Variants in PCDH15 observed in about 807,000 individuals in gnomAD.
PCDH15 encodes protocadherin related 15.
Under a neutral mutation model 178.5 loss-of-function variants are expected in PCDH15, and 129 were observed. The ratio of observed to expected loss-of-function variants is 0.72; its 90% CI spans 0.63 to 0.84. The LOEUF (loss-of-function observed/expected upper bound fraction) is 0.84, where lower values mean the gene tolerates loss of function less well. Ranked by LOEUF, PCDH15 falls within the 40% of genes least tolerant of loss-of-function variation. The pLI, the probability that PCDH15 is intolerant of heterozygous loss-of-function variation, is 0.00. For synonymous variants in PCDH15, 800 were observed against 732.0 expected (o/e 1.09, Z -1.50); for missense variants, 2,230 against 2,099.9 (o/e 1.06, Z -1.21).
chr10:55,336,492 G>C (rs1224367750), intron 2 of PCDH15, among the ~76,000 whole-genome samples: 1 of 152,090 alleles, frequency 6.6e-6, no homozygotes, highest in Non-Finnish European at 1.5e-5. Context: ...GCTAGACTCT[G>C]TGTCAAAATA....
chr10:54,334,626 T>G (rs1188036132), intron 6 of PCDH15, among the ~76,000 whole-genome samples: 1 of 151,968 alleles, frequency 6.6e-6, no homozygotes, highest in Non-Finnish European at 1.5e-5. Context: ...TTTGTAATAT[T>G]CTCTTTTCAG....
At chr10:55,125,316 C>T (rs2132070823) in intron 2 of PCDH15, among the ~76,000 whole-genome samples, 1 of 152,040 alleles carries the variant, frequency 6.6e-6, no homozygotes, top group African/African-American at 2.4e-5. Flanking sequence ...AATCACAAAA[C>T]AGATAGGAAT....
chr10:54,657,122 C>T (rs2094420004), intron 2 of PCDH15, among the ~76,000 whole-genome samples: 1 of 152,200 alleles, frequency 6.6e-6, no homozygotes, highest in Non-Finnish European at 1.5e-5. Context: ...TTGCCCTGAG[C>T]CCATTTTGTT....
chr10:54,342,915 C>A (rs577646945), intron 6 of PCDH15, among the ~76,000 whole-genome samples: 72 of 152,152 alleles, frequency 4.7e-4, no homozygotes, highest in Admixed American at 1.1e-3. Context: ...GCCAATTTCT[C>A]ACATACAGAA....
chr10:55,456,219 G>C (rs1839548870), intron 2 of PCDH15, among the ~76,000 whole-genome samples: 1 of 151,974 alleles, frequency 6.6e-6, no homozygotes, highest in African/African-American at 2.4e-5. Context: ...CATGACGTGT[G>C]TGCTTATAAG....
chr10:54,395,401 A>G (rs1022710573), intron 3 of PCDH15, among the ~76,000 whole-genome samples: 2 of 148,504 alleles, frequency 1.3e-5, no homozygotes, highest in Non-Finnish European at 3.0e-5. Flanking sequence ...AGTGACTATT[A>G]TTCCTGTCTA....
intron 3 of PCDH15, among the ~76,000 whole-genome samples, chr10:54,473,814 T>A (rs1422544232): frequency 6.6e-6 from 1 of 151,840 alleles, no homozygotes; most frequent in Non-Finnish European, 1.5e-5. Flanking sequence ...TAAAGAAAAT[T>A]TATAAACATA....
At position 54,089,971 on chromosome 10, in the gene PCDH15, A is replaced by C. The variant is rs1565229628; in HGVS notation, c.1997+13T>G. 1 of 1,592,698 alleles carries C rather than the reference A, an allele frequency of 6.3e-7. No homozygotes were observed. Among genetic ancestry groups the C allele is most frequent in the African/African-American group, 1.3e-5 (1 of 74,426 alleles). On this transcript the variant is annotated intron_variant, in intron 16 of 37. Coordinates refer to ENST00000644397, the MANE Select transcript of PCDH15 (RefSeq NM_001384140.1). ...GTACATTTTTTTAAAGTAGGAAATC[A>C]TTTTTAACTTACGTTTCTGAAAGAT...
chr10:55,267,270 T>C (rs1301927825), intron 1 of PCDH15, among the ~76,000 whole-genome samples: 2 of 152,236 alleles, frequency 1.3e-5, no homozygotes, highest in Non-Finnish European at 2.9e-5. Context: ...ATTATCTATC[T>C]ATCCATATAT....
rs940822759 is a variant in PCDH15 at position 53,806,159 on chromosome 10, A to C, written c.*420T>G. 1 of 171,268 alleles carries C rather than the reference A, an allele frequency of 5.8e-6. No individual in the cohort carries two copies. The highest frequency in any genetic ancestry group is 2.4e-5 in the African/African-American group (1 of 41,534). 10.6% of individuals were successfully genotyped at this position (171,268 alleles called of 1,614,324 possible). A position where few individuals can be genotyped will look rare whatever the true frequency, so the allele number is the denominator to read the frequency against. ...CTGTATAAACTCATTGCCTGTAAATATCCTCTTACTTCTTTTTTGCCCTTT... is the reference window on the plus strand; with the variant it reads ...CTGTATAAACTCATTGCCTGTAAATCTCCTCTTACTTCTTTTTTGCCCTTT... On this transcript the variant is annotated 3_prime_UTR_variant, in exon 38 of 38. Transcript: ENST00000644397.
chr10:54,174,051 C>A (rs1393866880), intron 13 of PCDH15, among the ~76,000 whole-genome samples: 1 of 152,050 alleles, frequency 6.6e-6, no homozygotes, highest in African/African-American at 2.4e-5. Flanking sequence ...TACAGGATAT[C>A]GATTATGGGC....
At chr10:53,883,352 G>A (rs1042656673) in intron 26 of PCDH15, among the ~76,000 whole-genome samples, 2 of 152,114 alleles carry the variant, frequency 1.3e-5, no homozygotes, top group Non-Finnish European at 2.9e-5. Context: ...AACAGAAAGA[G>A]TAGGATAAAA....
intron 2 of PCDH15, among the ~76,000 whole-genome samples, chr10:54,993,101 A>G (rs1192354092): frequency 1.3e-5 from 2 of 152,148 alleles, no homozygotes; most frequent in Non-Finnish European, 2.9e-5. Context: ...GACACTGAAT[A>G]TAAAGAAAAC....
At chr10:54,928,825 G>A (rs574110048) in intron 2 of PCDH15, among the ~76,000 whole-genome samples, 3 of 152,068 alleles carry the variant, frequency 2.0e-5, no homozygotes, top group African/African-American at 4.8e-5. Flanking sequence ...GTCAGCACCT[G>A]TATCATTGTA....
chr10:54,087,636 A>C (rs1426183371), intron 16 of PCDH15, among the ~76,000 whole-genome samples: 1 of 152,162 alleles, frequency 6.6e-6, no homozygotes, highest in African/African-American at 2.4e-5. Flanking sequence ...TATTATGTAG[A>C]TGCACGTCTT....
Position 55,114,452 on chromosome 10 carries a change from C to A in PCDH15, c.-80+52124G>T, listed in dbSNP as rs548576562. Among the ~76,000 whole-genome samples, 18 of 152,328 alleles carry A rather than the reference C, an allele frequency of 1.2e-4. No individual in the cohort carries two copies. The South Asian group carries it at 3.7e-3, about 32-fold the overall frequency. The stretch of plus-strand genomic sequence containing the variant: ...TAATATGGTAAAAGCCACTAGCTTT[C>A]TTTCACTTGCCATCTCTCCTTCCAT... On this transcript the variant is annotated intron_variant, in intron 2 of 5. Transcript: ENST00000458638.
intron 2 of PCDH15, among the ~76,000 whole-genome samples, chr10:54,919,455 T>G (rs1012335949): frequency 3.3e-5 from 5 of 152,178 alleles, no homozygotes; most frequent in African/African-American, 1.2e-4. Context: ...AGGAACAATT[T>G]CAAGCCATAG....
intron 1 of PCDH15, among the ~76,000 whole-genome samples, chr10:54,694,016 A>G (rs542341928): frequency 2.6e-5 from 4 of 152,054 alleles, no homozygotes; most frequent in Admixed American, 6.6e-5. Flanking sequence ...ATTAACTTAA[A>G]CTCTCTTGTT....
intron 26 of PCDH15, among the ~76,000 whole-genome samples, chr10:53,875,603 A>G (rs2080175196): frequency 6.6e-6 from 1 of 152,010 alleles, no homozygotes; most frequent in Non-Finnish European, 1.5e-5. Context: ...AGTTTCCCTT[A>G]GTGAACAAAA....
Sources: allele counts gnomAD v4.1 joint callset (sites outside exome capture counted in the v4.1 genomes callset), GRCh38; gene constraint gnomAD v4.1.1; transcripts MANE v1.5; gene names NCBI Gene and HGNC (gene_info 2026-07-23, HGNC 2026-07-21).